Variants in ITPR1 observed in about 807,000 individuals in gnomAD.
The protein encoded by ITPR1 is inositol 1,4,5-trisphosphate receptor type 1, also known as inositol 1,4,5-trisphosphate-gated calcium channel ITPR1.
Under a neutral mutation model 318.4 loss-of-function variants are expected in ITPR1, and 96 were observed. The observed-to-expected ratio is 0.30, with a 90% CI of 0.26 to 0.36. ITPR1 has a LOEUF of 0.36. Ranked by LOEUF, ITPR1 falls within the 10% of genes least tolerant of loss-of-function variation. ITPR1 has a pLI of 1.00. For missense variants in ITPR1, 2,440 were observed against 3,460.2 expected (o/e 0.71, Z 7.40); for synonymous variants, 1,312 against 1,289.9 (o/e 1.02, Z -0.37).
chr3:4,506,729 C>T (rs1190975920), intron 2 of ITPR1, among the ~76,000 whole-genome samples: 1 of 152,200 alleles, frequency 6.6e-6, no homozygotes, highest in African/African-American at 2.4e-5. Context: ...GAACAGTTCA[C>T]TTTCTAGAGC....
At chr3:4,666,524 G>C (rs945270855) in intron 17 of ITPR1, among the ~76,000 whole-genome samples, 6 of 152,192 alleles carry the variant, frequency 3.9e-5, no homozygotes, top group Non-Finnish European at 8.8e-5. Flanking sequence ...TCTTTGCTTA[G>C]TTGTTTTCGG....
intron 5 of ITPR1, among the ~76,000 whole-genome samples, chr3:4,635,166 G>A (rs1175050393): frequency 6.6e-6 from 1 of 152,178 alleles, no homozygotes; most frequent in Admixed American, 6.5e-5. Flanking sequence ...GACAACATTT[G>A]CCATTCTGAA....
At chr3:4,563,289 C>T (rs1394342117) in intron 4 of ITPR1, among the ~76,000 whole-genome samples, 1 of 152,098 alleles carries the variant, frequency 6.6e-6, no homozygotes, top group Admixed American at 6.5e-5. Flanking sequence ...AGGAGGATTG[C>T]TTGAGCCCAG....
chr3:4,527,506 C>G (rs893392276), intron 4 of ITPR1, among the ~76,000 whole-genome samples: 5 of 152,148 alleles, frequency 3.3e-5, no homozygotes, highest in African/African-American at 1.2e-4. Flanking sequence ...ATTGCCCCAA[C>G]CAGCTGTGGG....
In ITPR1 at chr3:4,733,223, A is replaced by G; in HGVS notation, c.5353+3A>G. ...ACCCGGCAAGCCCGGGGGAGGAGGT[A>G]CGCTTTGTGGTGTAATTACCTTCGT... On this transcript the variant is annotated splice_donor_region_variant and intron_variant, in intron 43 of 61. Coordinates refer to ENST00000649015, the MANE Select transcript of ITPR1 (RefSeq NM_001378452.1). 4 of 1,613,888 alleles carry G rather than the reference A, an allele frequency of 2.5e-6. No homozygotes were observed. In the South Asian group the frequency reaches 3.3e-5, roughly 13 times the overall value.
chr3:4,542,685 G>A (rs2084574227), intron 4 of ITPR1, among the ~76,000 whole-genome samples: 1 of 14,234 alleles, frequency 7.0e-5, no homozygotes, highest in African/African-American at 9.1e-5. Context: ...GTGTGTGGCG[G>A]GGGGGTGGGT....
chr3:4,787,597 C>G (rs1338183561), intron 51 of ITPR1, among the ~76,000 whole-genome samples: 1 of 150,264 alleles, frequency 6.7e-6, no homozygotes, highest in Non-Finnish European at 1.5e-5. Flanking sequence ...ACTCTGGAGG[C>G]TGAGGCAGGA....
chr3:4,538,301 C>T (rs140775696), intron 4 of ITPR1, among the ~76,000 whole-genome samples: 62 of 152,194 alleles, frequency 4.1e-4, no homozygotes, highest in African/African-American at 1.4e-3. Context: ...GAAAAAAGCT[C>T]GACATCACTG....
chr3:4,712,705 C>G (rs1315909612), intron 39 of ITPR1, among the ~76,000 whole-genome samples: 1 of 152,166 alleles, frequency 6.6e-6, no homozygotes, highest in South Asian at 2.1e-4. Context: ...TGGTGGCAAC[C>G]AGATTGTCAC....
intron 39 of ITPR1, among the ~76,000 whole-genome samples, chr3:4,714,498 T>C (rs1037761735): frequency 6.6e-6 from 1 of 152,118 alleles, no homozygotes; most frequent in African/African-American, 2.4e-5. Context: ...CAACTCTCCC[T>C]GTGCCTACGA....
chr3:4,639,425 C>G lies in ITPR1; in HGVS notation c.321C>G (p.Asn107Lys), dbSNP rs1164447682. 3 of 1,580,520 alleles carry G rather than the reference C, an allele frequency of 1.9e-6. No individual in the cohort carries two copies. Among genetic ancestry groups the G allele is most frequent in the Non-Finnish European group, 2.6e-6 (3 of 1,162,954 alleles). The change falls in exon 6 of 62, where the codon AAC (asparagine) becomes AAG (lysine). Residue 107 changes from asparagine (N) to lysine (K), a missense_variant. Transcript: ENST00000649015. ...AAAAGAAGCAGAATGAGACAGAAAA[C>G]AGGAAATTGCTGGGGACCGTAATCC... ...DLEKKQNETENRKLLGTVIQY... is the reference protein window; with the variant it reads ...DLEKKQNETEKRKLLGTVIQY...
intron 4 of ITPR1, among the ~76,000 whole-genome samples, chr3:4,611,546 C>T (rs754637417): frequency 1.0e-4 from 13 of 126,012 alleles, no homozygotes; most frequent in South Asian, 3.0e-4. Context: ...GGTGACAGAG[C>T]GAGACTCTCT....
chr3:4,567,443 T>G (rs964234375), intron 4 of ITPR1, among the ~76,000 whole-genome samples: 7 of 152,136 alleles, frequency 4.6e-5, no homozygotes. Flanking sequence ...AAAGGAGACA[T>G]GTTGATAATG....
chr3:4,806,128 T>C lies in ITPR1; in HGVS notation c.7133T>C (p.Met2378Thr). ...FNVCNKIIFL[M>T]SFVGNCGTFT... ...GTATGCAATAAAATCATCTTTCTAA[T>C]GAGCTTTGTGGGCAACTGTGGGACA... The change falls in exon 55 of 62, where the codon ATG becomes ACG. Residue 2378 changes from methionine to threonine, a missense_variant. This residue lies in a region of ITPR1 where 126 missense variants were observed against 150.8 expected (regional missense o/e 0.84). Transcript: ENST00000649015. 2 of 1,612,354 alleles carry C rather than the reference T, an allele frequency of 1.2e-6. No homozygotes were observed. Among genetic ancestry groups the C allele is most frequent in the Non-Finnish European group, 1.7e-6 (2 of 1,178,392 alleles).
At position 4,519,670 on chromosome 3, in the gene ITPR1, A is replaced by G. The variant is rs147048401; in HGVS notation, c.93-1354A>G. ...TGTATATTCTGCTCTTGATTTTTACATGAGAACTCAGGCCATTGGCTACAC... is the reference window on the plus strand; with the variant it reads ...TGTATATTCTGCTCTTGATTTTTACGTGAGAACTCAGGCCATTGGCTACAC... On this transcript the variant is annotated intron_variant, in intron 3 of 61. Coordinates refer to ENST00000649015, the MANE Select transcript of ITPR1 (RefSeq NM_001378452.1). Among the ~76,000 whole-genome samples the G allele has an allele frequency of 8.0e-3, 1,222 of 152,288 alleles. 22 individuals carry two copies. The highest frequency in any genetic ancestry group is 0.028 in the African/African-American group (1,147 of 41,522).
At chr3:4,631,761 A>C (rs978592204) in intron 5 of ITPR1, among the ~76,000 whole-genome samples, 5 of 152,160 alleles carry the variant, frequency 3.3e-5, no homozygotes, top group Non-Finnish European at 2.9e-5. Context: ...AAAACCATGG[A>C]AAGCTGTGAT....
chr3:4,659,365 C>T (rs144196737), intron 13 of ITPR1, among the ~76,000 whole-genome samples: 11 of 152,262 alleles, frequency 7.2e-5, no homozygotes, highest in African/African-American at 2.4e-4. Flanking sequence ...GAATGAATAT[C>T]AGTTGTCATT....
At chr3:4,658,351 C>T in intron 13 of ITPR1, 73 bp downstream of exon 13, 1 of 1,292,812 alleles carries the variant, frequency 7.7e-7, no homozygotes, top group South Asian at 1.5e-5. Context: ...TTCTTGGAAT[C>T]CAAATCGTTA....
Position 4,825,822 on chromosome 3 carries a change from C to T in ITPR1, c.8028+7580C>T, listed in dbSNP as rs766805285. 1.2e-4 allele frequency: 56 copies of T among 456,766 alleles called. No individual in the cohort carries two copies. In the Middle Eastern group the frequency reaches 3.9e-3, roughly 32 times the overall value. The allele number at this position is 456,766 out of a possible 1,614,324, so 28.3% of individuals were successfully genotyped here. On this transcript the variant is annotated intron_variant, in intron 60 of 61. Transcript: ENST00000649015. ...GACAACAGCTTCCAGCCAGAGGCAA[C>T]GCAAGGAACCAAGTGCAGGGGCTGG...
Sources: gnomAD v4.1 joint callset for allele counts (sites outside exome capture counted in the v4.1 genomes callset) on GRCh38, gnomAD v4.1.1 for gene constraint, gnomAD v4.1.1 regional missense constraint, MANE v1.5 for transcripts, NCBI Gene and HGNC (gene_info 2026-07-23, HGNC 2026-07-21) for gene names.